Variants in INPP5D observed in about 807,000 individuals in gnomAD.
The protein encoded by INPP5D is inositol polyphosphate-5-phosphatase D, also known as phosphatidylinositol 3,4,5-trisphosphate 5-phosphatase 1.
A neutral mutation model predicts 122.9 loss-of-function variants in INPP5D; 33 were observed. The ratio of observed to expected loss-of-function variants is 0.27; its 90% CI spans 0.20 to 0.36. The LOEUF (loss-of-function observed/expected upper bound fraction) is 0.36. Ranked by LOEUF, INPP5D falls within the 10% of genes least tolerant of loss-of-function variation. The pLI, the probability that INPP5D is intolerant of heterozygous loss-of-function variation, is 1.00. For synonymous variants in INPP5D, 584 were observed against 576.2 expected, an observed-to-expected ratio of 1.01 and a Z score of -0.19; for missense variants, 1,053 against 1,412.7, an observed-to-expected ratio of 0.75 and a Z score of 4.08.
At chr2:233,093,810 T>C (rs186123926) in intron 2 of INPP5D, among the ~76,000 whole-genome samples, 7 of 152,236 alleles carry the variant, frequency 4.6e-5, no homozygotes, top group African/African-American at 1.7e-4. Flanking sequence ...TCAATAATAA[T>C]GTGATGACGT....
chr2:233,133,423 C>A (rs569692361), intron 5 of INPP5D, among the ~76,000 whole-genome samples: 1 of 152,154 alleles, frequency 6.6e-6, no homozygotes, highest in African/African-American at 2.4e-5. Flanking sequence ...TGAAGACAGC[C>A]TGCTCAAGGA....
At chr2:233,167,117 A>G (rs937847915) in intron 13 of INPP5D, among the ~76,000 whole-genome samples, 1 of 151,278 alleles carries the variant, frequency 6.6e-6, no homozygotes, top group African/African-American at 2.4e-5. Flanking sequence ...CATGCCTATA[A>G]TCCCACACTT....
intron 20 of INPP5D, 129 bp from the exon 21 acceptor site, chr2:233,185,714 T>A (rs1233201658): frequency 1.2e-3 from 742 of 626,406 alleles, no homozygotes; most frequent in African/African-American, 4.6e-3. Context: ...GGCCCCGAGA[T>A]AAAAAAAAAA....
At chr2:233,092,095 G>A (rs1692007530) in intron 2 of INPP5D, among the ~76,000 whole-genome samples, 2 of 152,208 alleles carry the variant, frequency 1.3e-5, no homozygotes, top group Non-Finnish European at 1.5e-5. Context: ...CAAGATGTAG[G>A]CGTTCAGGGC....
rs766497313 is a variant in INPP5D, at chr2:233,169,369, C to T, written c.1620C>T (p.Ser540=). Reference sequence around the variant, plus strand: ...GAACCTCCTTAGGGTTCGTCAACAGCCACTTGACTTCAGGAAGTGAAAAGA... The same window carrying T: ...GAACCTCCTTAGGGTTCGTCAACAGTCACTTGACTTCAGGAAGTGAAAAGA... ...FNGTSLGFVN[S]HLTSGSEKKL... The change falls in exon 14 of 27, where the codon AGC becomes AGT. Residue 540 remains serine (S), a synonymous_variant. Coordinates refer to ENST00000445964, the MANE Select transcript of INPP5D (RefSeq NM_001017915.3). 4.4e-6 allele frequency: 7 copies of T among 1,603,040 alleles called. No homozygotes were observed. The highest frequency in any genetic ancestry group is 6.0e-6 in the Non-Finnish European group (7 of 1,174,676).
intron 20 of INPP5D, among the ~76,000 whole-genome samples, chr2:233,184,971 G>A (rs1293531718): frequency 1.3e-5 from 2 of 152,118 alleles, no homozygotes; most frequent in Non-Finnish European, 2.9e-5. Context: ...CTTTCTCGGG[G>A]GGACTGCAGC....
intron 1 of INPP5D, among the ~76,000 whole-genome samples, chr2:233,065,426 G>A (rs1206151046): frequency 6.8e-6 from 1 of 147,564 alleles, no homozygotes; most frequent in African/African-American, 2.5e-5. Context: ...TCCTACTTCA[G>A]CCCTCCAAGC....
At chr2:233,083,052 G>T (rs1033267229) in intron 2 of INPP5D, among the ~76,000 whole-genome samples, 15 of 152,238 alleles carry the variant, frequency 9.9e-5, no homozygotes, top group Admixed American at 3.9e-4. Context: ...TCTGTCCCTT[G>T]TGGTAAATCA....
Position 233,121,677 on chromosome 2 carries a change from G to A in INPP5D, c.199-430G>A, listed in dbSNP as rs527532909. Reference sequence around the variant, plus strand: ...ATTACAGGCACCTGCCACCACGCCCGGCTAATTTTTGTATTCTTTTTTTTT... The same window carrying A: ...ATTACAGGCACCTGCCACCACGCCCAGCTAATTTTTGTATTCTTTTTTTTT... On this transcript the variant is annotated intron_variant, in intron 2 of 26. Coordinates refer to ENST00000445964, the MANE Select transcript of INPP5D (RefSeq NM_001017915.3). Among the ~76,000 whole-genome samples, 8 of 151,334 alleles carry A rather than the reference G, an allele frequency of 5.3e-5. 1 individual carries two copies. The South Asian group carries it at 1.3e-3, about 24-fold the overall frequency.
At chr2:233,182,943 T>G (rs995316024) in intron 19 of INPP5D, among the ~76,000 whole-genome samples, 1 of 152,168 alleles carries the variant, frequency 6.6e-6, no homozygotes, top group Non-Finnish European at 1.5e-5. Context: ...CAGCTACACT[T>G]AATTTTAAAA....
At chr2:233,133,699 G>A (rs946271504) in intron 5 of INPP5D, among the ~76,000 whole-genome samples, 2 of 152,164 alleles carry the variant, frequency 1.3e-5, no homozygotes, top group African/African-American at 2.4e-5. Context: ...GCCACATCAC[G>A]CAAGGCTTAA....
At chr2:233,116,182 C>T (rs756893499) in intron 2 of INPP5D, among the ~76,000 whole-genome samples, 10 of 150,294 alleles carry the variant, frequency 6.7e-5, no homozygotes, top group Admixed American at 2.6e-4. Flanking sequence ...GAAGGGAGGG[C>T]TACTCTGAGC....
chr2:233,147,388 T>C, intron 8 of INPP5D, 83 bp from the exon 9 acceptor site: 1 of 683,596 alleles, frequency 1.5e-6, no homozygotes. Flanking sequence ...TGCCCAGCCA[T>C]GTAGACAAGG....
chr2:233,084,050 C>CTGTTT (rs1016935069), intron 2 of INPP5D, among the ~76,000 whole-genome samples: 2 of 152,056 alleles, frequency 1.3e-5, no homozygotes, highest in Admixed American at 6.6e-5. Context: ...AGGTGTTTTT[C>CTGTTT]TGTTTTGTTT....
chr2:233,069,162 G>A (rs963273506), intron 1 of INPP5D, among the ~76,000 whole-genome samples: 5 of 152,140 alleles, frequency 3.3e-5, no homozygotes, highest in Admixed American at 1.3e-4. Flanking sequence ...AGGAAAACAC[G>A]ATATTAACAA....
In INPP5D at chr2:233,139,921, C is replaced by G. The variant is rs1335962867; in HGVS notation, c.745C>G (p.Arg249Gly). ...DQQLSPGLRPRPQVPGEANPI... is the reference protein window; with the variant it reads ...DQQLSPGLRPGPQVPGEANPI... ...GCAGCTCTCCCCGGGCCTCCGTCCACGTCCTCAGGTAAAGGGTCTTGGGGT... is the reference window on the plus strand; with the variant it reads ...GCAGCTCTCCCCGGGCCTCCGTCCAGGTCCTCAGGTAAAGGGTCTTGGGGT... Residue 249 changes from arginine (R) to glycine (G), a missense_variant, in exon 6 of 27, where the codon CGT (arginine) becomes GGT (glycine). This residue lies in a region of INPP5D where 196 missense variants were observed against 175.6 expected (regional missense o/e 1.12). Coordinates refer to ENST00000445964, the MANE Select transcript of INPP5D (RefSeq NM_001017915.3). 2 of 398,724 alleles carry G rather than the reference C, an allele frequency of 5.0e-6. No individual in the cohort carries two copies. Among genetic ancestry groups the G allele is most frequent in the East Asian group, 3.6e-5 (1 of 28,066 alleles). 24.7% of individuals were successfully genotyped at this position (398,724 alleles called of 1,614,324 possible).
chr2:233,165,513 CGT>C (rs769447128), intron 13 of INPP5D, among the ~76,000 whole-genome samples: 77 of 148,098 alleles, frequency 5.2e-4, no homozygotes, highest in African/African-American at 1.7e-3. Context: ...TATGTGAGTC[CGT>C]GTGTGTGTAC....
rs920897763 is a variant in INPP5D, at chr2:233,189,734, G to T, written c.2359-116G>T. The T allele has an allele frequency of 1.6e-5, 24 of 1,468,962 alleles. No individual in the cohort carries two copies. The highest frequency in any genetic ancestry group is 2.2e-5 in the Non-Finnish European group (24 of 1,094,700). The allele number at this position is 1,468,962 out of a possible 1,614,324, so 91.0% of individuals were successfully genotyped here. A position where few individuals can be genotyped will look rare whatever the true frequency, so the allele number is the denominator to read the frequency against. Reference sequence around the variant, plus strand: ...TGCTCTCTTGGGTATGGACAGCAGAGATTTAGATCTGATTACTAAGAACAC... The same window carrying T: ...TGCTCTCTTGGGTATGGACAGCAGATATTTAGATCTGATTACTAAGAACAC... On this transcript the variant is annotated intron_variant, in intron 21 of 26. Transcript: ENST00000445964. This position sits in a 1 kb window ranked among gnomAD's most constrained non-coding sequence, Gnocchi z 5.6.
At chr2:233,095,263 G>C (rs527522046) in intron 2 of INPP5D, among the ~76,000 whole-genome samples, 3 of 152,190 alleles carry the variant, frequency 2.0e-5, no homozygotes, top group East Asian at 3.8e-4. Context: ...ATACATAAGA[G>C]TGTTGAGATA....
Sources: gnomAD v4.1 joint callset for allele counts (sites outside exome capture counted in the v4.1 genomes callset) on GRCh38, gnomAD v4.1.1 for gene constraint, gnomAD v4.1.1 regional missense constraint, Gnocchi (gnomAD v3.1) non-coding constraint, MANE v1.5 for transcripts, NCBI Gene and HGNC (gene_info 2026-07-23, HGNC 2026-07-21) for gene names.